LOC128125817: variants seen among roughly 807,000 people sequenced by gnomAD.
chr1:41,601,837 T>A, the LOC128125817 span, among the ~76,000 whole-genome samples: 1 of 152,148 alleles, frequency 6.6e-6, no homozygotes, highest in Non-Finnish European at 1.5e-5. Context: ...GAGAAAAAAC[T>A]TTTCCGTTTT....
At chr1:41,590,207 C>G in the LOC128125817 span, among the ~76,000 whole-genome samples, 1 of 152,216 alleles carries the variant, frequency 6.6e-6, no homozygotes, top group Non-Finnish European at 1.5e-5. Context: ...CAAAGAGTCA[C>G]AGAAGGATGT....
the LOC128125817 span, among the ~76,000 whole-genome samples, chr1:41,598,529 C>G: frequency 6.6e-6 from 1 of 152,198 alleles, no homozygotes; most frequent in African/African-American, 2.4e-5. Context: ...GTCATTCTTG[C>G]CCACATGGCA....
the LOC128125817 span, among the ~76,000 whole-genome samples, chr1:41,592,581 C>T: frequency 3.9e-5 from 6 of 152,170 alleles, no homozygotes; most frequent in Non-Finnish European, 8.8e-5. Context: ...AGGCAACCCT[C>T]CCCGTGGGAC....
At chr1:41,597,850 C>T in the LOC128125817 span, among the ~76,000 whole-genome samples, 12 of 152,178 alleles carry the variant, frequency 7.9e-5, no homozygotes, top group African/African-American at 7.2e-5. Context: ...AATGAACTGA[C>T]ATTAGCTGCT....
the LOC128125817 span, among the ~76,000 whole-genome samples, chr1:41,604,495 GA>G: frequency 6.6e-6 from 1 of 152,184 alleles, no homozygotes; most frequent in Non-Finnish European, 1.5e-5. Context: ...ATAGTATTAA[GA>G]GGTGATTAGG....
chr1:41,624,168 C>T, the LOC128125817 span, among the ~76,000 whole-genome samples: 1 of 152,268 alleles, frequency 6.6e-6, no homozygotes, highest in African/African-American at 2.4e-5. Flanking sequence ...CCCATCTCTC[C>T]TCCTTCCTCC....
At chr1:41,613,619 T>C in the LOC128125817 span, among the ~76,000 whole-genome samples, 2 of 152,274 alleles carry the variant, frequency 1.3e-5, no homozygotes, top group African/African-American at 4.8e-5. Context: ...ATGAGTAGAA[T>C]TGTGTAAACT....
At chr1:41,587,219 G>A in the LOC128125817 span, among the ~76,000 whole-genome samples, 18 of 152,076 alleles carry the variant, frequency 1.2e-4, no homozygotes, top group African/African-American at 4.1e-4. Flanking sequence ...ATACAGTGAC[G>A]GATTCAATGA....
the LOC128125817 span, among the ~76,000 whole-genome samples, chr1:41,599,256 T>C: frequency 7.9e-5 from 12 of 152,042 alleles, no homozygotes; most frequent in Admixed American, 6.6e-5. Context: ...AGAAAACGAA[T>C]GTGAAATGAA....
the LOC128125817 span, among the ~76,000 whole-genome samples, chr1:41,620,106 A>C: frequency 6.6e-5 from 10 of 152,286 alleles, no homozygotes; most frequent in Non-Finnish European, 1.5e-4. Flanking sequence ...ACAGGAGAAG[A>C]GGACAAAGGC....
chr1:41,612,002 C>T, the LOC128125817 span, among the ~76,000 whole-genome samples: 2 of 152,090 alleles, frequency 1.3e-5, no homozygotes, highest in South Asian at 4.1e-4. Context: ...AGGACCCAAC[C>T]TCACCTCACC....
chr1:41,624,560 T>C, the LOC128125817 span, among the ~76,000 whole-genome samples: 1 of 152,226 alleles, frequency 6.6e-6, no homozygotes, highest in Non-Finnish European at 1.5e-5. Context: ...GTTGTCATTT[T>C]TTAAATTCAG....
chr1:41,624,304 C>T, the LOC128125817 span, among the ~76,000 whole-genome samples: 106 of 152,336 alleles, frequency 7.0e-4, no homozygotes, highest in Non-Finnish European at 1.2e-3. Context: ...AGAGGCTCTC[C>T]AAATGTTCCA....
At chr1:41,613,393 T>G in the LOC128125817 span, among the ~76,000 whole-genome samples, 1 of 152,230 alleles carries the variant, frequency 6.6e-6, no homozygotes, top group African/African-American at 2.4e-5. Flanking sequence ...TCTTTTCACA[T>G]GCCCATCTCC....
the LOC128125817 span, among the ~76,000 whole-genome samples, chr1:41,613,080 C>T: frequency 1.3e-5 from 2 of 152,356 alleles, no homozygotes; most frequent in South Asian, 4.1e-4. Flanking sequence ...TGGAGGACAG[C>T]CAGGAGCACT....
At chr1:41,587,734 T>G in the LOC128125817 span, among the ~76,000 whole-genome samples, 1 of 152,276 alleles carries the variant, frequency 6.6e-6, no homozygotes, top group South Asian at 2.1e-4. Flanking sequence ...GGTGATATGA[T>G]TTTCCCTGAA....
At chr1:41,604,102 C>T in the LOC128125817 span, among the ~76,000 whole-genome samples, 2 of 152,188 alleles carry the variant, frequency 1.3e-5, no homozygotes, top group Admixed American at 1.3e-4. Context: ...TAAATAGACA[C>T]ATTTGGACAA....
chr1:41,587,231 A>G, the LOC128125817 span, among the ~76,000 whole-genome samples: 2 of 152,222 alleles, frequency 1.3e-5, no homozygotes, highest in African/African-American at 2.4e-5. Context: ...ATTCAATGAC[A>G]TCCCTCTAGT....
At chr1:41,624,520 A>G in the LOC128125817 span, among the ~76,000 whole-genome samples, 5 of 152,224 alleles carry the variant, frequency 3.3e-5, no homozygotes, top group African/African-American at 1.2e-4. Flanking sequence ...TCAGTTAGGA[A>G]GAGTGGAGCT....
Sources: gnomAD v4.1 joint callset for allele counts (sites outside exome capture counted in the v4.1 genomes callset) on GRCh38, gnomAD v4.1.1 for gene constraint, MANE v1.5 for transcripts.